WDR87: variants seen among roughly 807,000 people sequenced by gnomAD.
The protein encoded by WDR87 is WD repeat domain 87.
WDR87 carries 56 observed loss-of-function variants against 83.3 expected under a neutral mutation model. That is an observed-to-expected ratio of 0.67 (90% CI 0.54 to 0.84). The LOEUF (loss-of-function observed/expected upper bound fraction) is 0.84. WDR87 is among the 40% of genes least tolerant of loss of function. The pLI, the probability that WDR87 is intolerant of heterozygous loss-of-function variation, is 0.00. For synonymous variants in WDR87, 1,173 were observed against 1,250.6 expected (o/e 0.94, Z 1.31); for missense variants, 2,939 against 3,431.9 (o/e 0.86, Z 3.59).
At position 37,895,930 on chromosome 19, in the gene WDR87, G is replaced by A. The variant is rs542095368; in HGVS notation, c.246+208C>T. On this transcript the variant is annotated intron_variant, in intron 3 of 5. Transcript: ENST00000447313. ...AATACGGTAGAGGCAGGAATCCTAG[G>A]ACCCTTTTCCTAACCTTGGTTTACT... 6 of 635,940 alleles carry A rather than the reference G, an allele frequency of 9.4e-6. No homozygotes were observed. The African/African-American group carries it at 1.1e-4, about 12-fold the overall frequency. The allele number at this position is 635,940 out of a possible 1,614,324, so 39.4% of individuals were successfully genotyped here.
chr19:37,889,439 T>G lies in WDR87; in HGVS notation c.4232A>C (p.Lys1411Thr). 1 of 1,551,938 alleles carries G rather than the reference T, an allele frequency of 6.4e-7. No individual in the cohort carries two copies. Among genetic ancestry groups the G allele is most frequent in the South Asian group, 1.2e-5 (1 of 84,056 alleles). The change falls in exon 6 of 6, where the codon AAA becomes ACA. Residue 1411 changes from lysine (K) to threonine (T), a missense_variant. Physicochemically the swap from Lys to Thr is moderately conservative, Grantham distance 78. Transcript: ENST00000447313. The part of the protein sequence containing the change: ...ETQVILKKGK[K>T]VIFLEPGNVT... ...ATTACCTGGTTCTAAAAAAATAACT[T>G]TCTTGCCCTTTTTCAAAATCACTTG... is the stretch of plus-strand genomic sequence containing the variant.
In WDR87 at chr19:37,896,215, A is replaced by T; in HGVS notation, c.169T>A (p.Cys57Ser). 6.4e-7 allele frequency: 1 copy of T among 1,552,298 alleles called. No homozygotes were observed. The highest frequency in any genetic ancestry group is 8.7e-7 in the Non-Finnish European group (1 of 1,147,124). ...KESRYPQNMP[C>S]VCYYFSDAHF... is the part of the protein sequence containing the mutation. The stretch of plus-strand genomic sequence containing the variant: ...GCATCACTGAAGTAATAGCATACAC[A>T]CGGCATATTTTGAGGATAGCGAGAC... Residue 57 changes from cysteine (C) to serine (S), a missense_variant, in exon 3 of 6, where the codon TGT becomes AGT. Coordinates refer to ENST00000447313, the MANE Select transcript of WDR87 (RefSeq NM_001291088.2).
Position 37,897,165 on chromosome 19 carries a change from T to G in WDR87, c.76-857A>C, listed in dbSNP as rs113145666. 3.7e-3 allele frequency among the ~76,000 whole-genome samples: 559 copies of G among 150,946 alleles called. 3 individuals carry two copies. The highest frequency in any genetic ancestry group is 0.013 in the African/African-American group (544 of 41,112). On this transcript the variant is annotated intron_variant, in intron 2 of 5. Coordinates refer to ENST00000447313, the MANE Select transcript of WDR87 (RefSeq NM_001291088.2). ...ATACAATATATATATTATCCCATGG[T>G]GATAGACCATGTGCTATGAAACATG...
chr19:37,895,601 C>T (rs1024929719), intron 3 of WDR87, 145 bp from the exon 4 acceptor site: 1 of 705,778 alleles, frequency 1.4e-6, no homozygotes, highest in East Asian at 2.8e-5. Flanking sequence ...AACCCCATCT[C>T]TACTAAAAAT....
In WDR87 at chr19:37,886,596, T is replaced by C. The variant is rs1568448186; in HGVS notation, c.7075A>G (p.Ser2359Gly). 2 of 1,528,614 alleles carry C rather than the reference T, an allele frequency of 1.3e-6. No homozygotes were observed. The highest frequency in any genetic ancestry group is 4.3e-5 in the Admixed American group (2 of 46,034). 94.7% of individuals were successfully genotyped at this position (1,528,614 alleles called of 1,614,324 possible). A position where few individuals can be genotyped will look rare whatever the true frequency, so the allele number is the denominator to read the frequency against. ...TCTTCCTCTTCCTCGTCACTCAAAC[T>C]TTCTGTCTCTTCCTCACTCATAATT... The part of the protein sequence containing the change: ...EEIMSEEETE[S>G]LSDEEEEEES... The change falls in exon 6 of 6, where the codon AGT becomes GGT. Residue 2359 changes from serine (S) to glycine (G), a missense_variant. This residue lies in a region of WDR87 where 2,160 missense variants were observed against 2,533.1 expected (regional missense o/e 0.85). Coordinates refer to ENST00000447313, the MANE Select transcript of WDR87 (RefSeq NM_001291088.2).
Position 37,887,677 on chromosome 19 carries a change from T to C in WDR87, c.5994A>G (p.Glu1998=). Residue 1998 remains glutamate (E), a synonymous_variant, in exon 6 of 6, where the codon GAA becomes GAG. Transcript: ENST00000447313. The part of the protein sequence containing the change: ...RLRGELDIAK[E]EKALNLEMKR... ...TCATTTCCAGGTTCAATGCCTTTTCTTCCTTAGCAATATCCAACTCTCCTC... is the reference window on the plus strand; with the variant it reads ...TCATTTCCAGGTTCAATGCCTTTTCCTCCTTAGCAATATCCAACTCTCCTC... 8 of 1,552,330 alleles carry C rather than the reference T, an allele frequency of 5.2e-6. No homozygotes were observed. Among genetic ancestry groups the C allele is most frequent in the Non-Finnish European group, 7.0e-6 (8 of 1,147,142 alleles).
intron 5 of WDR87, among the ~76,000 whole-genome samples, chr19:37,891,033 C>G (rs990017094): frequency 6.6e-6 from 1 of 152,106 alleles, no homozygotes; most frequent in East Asian, 1.9e-4. Flanking sequence ...TGGTGGTTTG[C>G]TGCACCCATC....
chr19:37,895,513 ATCCCAGCAC>A (rs2046247549), intron 3 of WDR87, 57 bp from the exon 4 acceptor site: 1 of 1,479,332 alleles, frequency 6.8e-7, no homozygotes, highest in Non-Finnish European at 9.0e-7. Context: ...CATGCCTGTA[ATCCCAGCAC>A]TTTGGGAGGC....
rs774474905 is a variant in WDR87, at chr19:37,886,327, C to T, written c.7344G>A (p.Pro2448=). 101 of 1,551,616 alleles carry T rather than the reference C, an allele frequency of 6.5e-5. No individual in the cohort carries two copies. In the Admixed American group the frequency reaches 7.1e-4, roughly 11 times the overall value. ...EMKEKTPVPV[P]EKQISWEDKK... ...TATCTTCCCAGGATATTTGTTTCTC[C>T]GGCACTGGCACTGGTGTTTTCTCTT... The change falls in exon 6 of 6, where the codon CCG becomes CCA. Residue 2448 remains proline (P), a synonymous_variant. Transcript: ENST00000447313.
rs1012983195 is a variant in WDR87 at position 37,895,964 on chromosome 19, A to G, written c.246+174T>C. The G allele has an allele frequency of 1.6e-5, 14 of 865,178 alleles. No homozygotes were observed. In the African/African-American group the frequency reaches 2.2e-4, roughly 14 times the overall value. 53.6% of individuals were successfully genotyped at this position (865,178 alleles called of 1,614,324 possible). A position where few individuals can be genotyped will look rare whatever the true frequency, so the allele number is the denominator to read the frequency against. On this transcript the variant is annotated intron_variant, in intron 3 of 5. Coordinates refer to ENST00000447313, the MANE Select transcript of WDR87 (RefSeq NM_001291088.2). ...CCTAACCTTGGTTTACTTCGGGGGA[A>G]CCATACAACCTACTCAACATGGGGA...
Position 37,885,098 on chromosome 19 carries a change from T to C in WDR87, c.8573A>G (p.Gln2858Arg), listed in dbSNP as rs200123506. 1.9e-3 allele frequency: 2,754 copies of C among 1,464,468 alleles called. 2 individuals are homozygous for C. Among genetic ancestry groups the C allele is most frequent in the Middle Eastern group, 2.9e-3 (16 of 5,576 alleles). 90.7% of individuals were successfully genotyped at this position (1,464,468 alleles called of 1,614,324 possible). ...CGSSHTPRSP[Q>R]EFQGAVPLPW... ...GAGGGGTACCGCACCCTGGAACTCCTGAGGACTTCTAGGAGTATGAGAACT... is the reference window on the plus strand; with the variant it reads ...GAGGGGTACCGCACCCTGGAACTCCCGAGGACTTCTAGGAGTATGAGAACT... The change falls in exon 6 of 6, where the codon CAG becomes CGG. Residue 2858 changes from glutamine to arginine, a missense_variant. Transcript: ENST00000447313.
chr19:37,887,503 C>T lies in WDR87; in HGVS notation c.6168G>A (p.Leu2056=). The T allele has an allele frequency of 6.4e-7, 1 of 1,551,878 alleles. No individual in the cohort carries two copies. Among genetic ancestry groups the T allele is most frequent in the Middle Eastern group, 1.7e-4 (1 of 5,994 alleles). ...ERKLSLEEKI[L]LHEDRILAME... ...TGGCCAATATCCTGTCTTCATGTAGCAGTATCTTCTCCTCTAGTGACAATT... is the reference window on the plus strand; with the variant it reads ...TGGCCAATATCCTGTCTTCATGTAGTAGTATCTTCTCCTCTAGTGACAATT... Residue 2056 remains leucine (L), a synonymous_variant, in exon 6 of 6, where the codon CTG becomes CTA. Transcript: ENST00000447313.
At position 37,889,734 on chromosome 19, in the gene WDR87, G is replaced by T. The variant is rs2046187193; in HGVS notation, c.3937C>A (p.Gln1313Lys). 6.4e-7 allele frequency: 1 copy of T among 1,551,552 alleles called. No homozygotes were observed. The highest frequency in any genetic ancestry group is 1.4e-5 in the African/African-American group (1 of 73,008). The change falls in exon 6 of 6, where the codon CAG becomes AAG. Residue 1313 changes from glutamine (Q) to lysine (K), a missense_variant. Around this residue, in one of 3 missense-constraint regions of WDR87, gnomAD observed 2,160 missense variants for 2,533.1 expected, o/e 0.85. Coordinates refer to ENST00000447313, the MANE Select transcript of WDR87 (RefSeq NM_001291088.2). ...GGGTGCCTATCTACCAGCATCTCCT[G>T]AGCAAATGTCACTAGCTCAGCGTTT... ...NLNAELVTFA[Q>K]EMLVDRHPSW...
At position 37,900,748 on chromosome 19, in the gene WDR87, T is replaced by C. The variant is rs549996676; in HGVS notation, c.-46-2463A>G. 9.2e-5 allele frequency among the ~76,000 whole-genome samples: 14 copies of C among 151,726 alleles called. No individual in the cohort carries two copies. In the South Asian group the frequency reaches 2.7e-3, roughly 29 times the overall value. ...TTTCCACGCTCCCCAGACTGCATGCTGCCCTCCTGCGATAGCTGTCTCCAT... is the reference window on the plus strand; with the variant it reads ...TTTCCACGCTCCCCAGACTGCATGCCGCCCTCCTGCGATAGCTGTCTCCAT... On this transcript the variant is annotated intron_variant, in intron 1 of 5. Transcript: ENST00000447313.
chr19:37,895,680 T>C (rs1199705888), intron 3 of WDR87, among the ~76,000 whole-genome samples: 1 of 145,178 alleles, frequency 6.9e-6, no homozygotes, highest in Non-Finnish European at 1.5e-5. Context: ...GGCAGGAGAA[T>C]CGCTTGAATT....
In WDR87 at chr19:37,893,894, A is replaced by G. The variant is rs2046230084; in HGVS notation, c.1809T>C (p.Pro603=). Residue 603 remains proline, a synonymous_variant, in exon 4 of 6, where the codon CCT becomes CCC. Transcript: ENST00000447313. ...AGGATGTGATGGCACACAGGTGCAG[A>G]GGCAGTGTTTCTATGAATTTCAAGC... ...QNGLKFIETL[P]LHLCAITSFD... 6.4e-7 allele frequency: 1 copy of G among 1,551,910 alleles called. No homozygotes were observed. Among genetic ancestry groups the G allele is most frequent in the East Asian group, 2.4e-5 (1 of 40,918 alleles).
intron 1 of WDR87, among the ~76,000 whole-genome samples, chr19:37,899,710 A>G (rs778447131): frequency 1.2e-4 from 18 of 151,734 alleles, no homozygotes; most frequent in Non-Finnish European, 1.9e-4. Flanking sequence ...GGCCTCCCCA[A>G]ATGCTGGGAT....
chr19:37,890,710 C>T (rs1171004096), intron 5 of WDR87, among the ~76,000 whole-genome samples: 1 of 152,156 alleles, frequency 6.6e-6, no homozygotes, highest in Non-Finnish European at 1.5e-5. Context: ...CAGTCAACAT[C>T]TATCTACCCT....
Position 37,889,363 on chromosome 19 carries a change from C to T in WDR87, c.4308G>A (p.Gln1436=), listed in dbSNP as rs2046182483. ...CTTTCCTCCCTTGCTTAGGTGACTTCTGAAAGGTTTTCTTCTCTTCTTTCT... is the reference window on the plus strand; with the variant it reads ...CTTTCCTCCCTTGCTTAGGTGACTTTTGAAAGGTTTTCTTCTCTTCTTTCT... ...ISKKEEKKTF[Q]KSPKQGRKAV... is the part of the protein sequence containing the mutation. Residue 1436 remains glutamine (Q), a synonymous_variant, in exon 6 of 6, where the codon CAG becomes CAA. Transcript: ENST00000447313. 6.4e-7 allele frequency: 1 copy of T among 1,551,650 alleles called. No individual in the cohort carries two copies. Among genetic ancestry groups the T allele is most frequent in the Admixed American group, 2.0e-5 (1 of 50,916 alleles).
Sources: allele counts gnomAD v4.1 joint callset (sites outside exome capture counted in the v4.1 genomes callset), GRCh38; gene constraint gnomAD v4.1.1; regional missense constraint gnomAD v4.1.1; transcripts MANE v1.5; gene names NCBI Gene and HGNC (gene_info 2026-07-23, HGNC 2026-07-21).